The following E2F2 variants were observed in gnomAD, a reference collection of about 807,000 sequenced individuals.
The protein encoded by E2F2 is E2F transcription factor 2.
E2F2 carries 22 observed loss-of-function variants against 42.2 expected under a neutral mutation model. The observed-to-expected ratio is 0.52, with a 90% confidence interval of 0.37 to 0.74. E2F2 has a LOEUF of 0.74. E2F2 is among the 30% of genes least tolerant of loss of function. E2F2 has a pLI of 0.00. For synonymous variants in E2F2, 248 were observed against 251.6 expected, an observed-to-expected ratio of 0.99 and a Z score of 0.13; for missense variants, 481 against 557.8, an observed-to-expected ratio of 0.86 and a Z score of 1.39.
In E2F2 at chr1:23,530,599, G is replaced by A. The variant is rs1331015205; in HGVS notation, c.195C>T (p.Ala65=). 1.2e-6 allele frequency: 2 copies of A among 1,613,132 alleles called. No individual in the cohort carries two copies. The highest frequency in any genetic ancestry group is 2.2e-5 in the East Asian group (1 of 44,858). ...CTTGGCCCTCGGGTCCGTGGGGAGT[G>A]GCGTCGAGGCAGGTGCCTGGCGCCG... ...PAAAPGTCLD[A]TPHGPEGQVV... Residue 65 remains alanine, a synonymous_variant, in exon 1 of 7, where the codon GCC becomes GCT. Transcript: ENST00000361729. This position sits in a 1 kb window ranked among gnomAD's most constrained non-coding sequence, Gnocchi z 4.4.
At position 23,509,822 on chromosome 1, in the gene E2F2, C is replaced by T. The variant is rs1642871754; in HGVS notation, c.*58G>A. 11 of 1,493,770 alleles carry T rather than the reference C, an allele frequency of 7.4e-6. No individual in the cohort carries two copies. Among genetic ancestry groups the T allele is most frequent in the Non-Finnish European group, 9.8e-6 (11 of 1,120,162 alleles). The allele number at this position is 1,493,770 out of a possible 1,614,324, so 92.5% of individuals were successfully genotyped here. Reference sequence around the variant, plus strand: ...GTCCCTGTGCAGGCAGAGGGGCTGTCAGCCTGTCTGTGAGGAGGTAGAGTC... The same window carrying T: ...GTCCCTGTGCAGGCAGAGGGGCTGTTAGCCTGTCTGTGAGGAGGTAGAGTC... On this transcript the variant is annotated 3_prime_UTR_variant, in exon 7 of 7. Coordinates refer to ENST00000361729, the MANE Select transcript of E2F2 (RefSeq NM_004091.4).
At chr1:23,520,243 CAAAAAAAAAAAAA>C (rs66460864) in intron 4 of E2F2, among the ~76,000 whole-genome samples, 9 of 78,872 alleles carry the variant, frequency 1.1e-4, no homozygotes, top group African/African-American at 5.8e-4. Flanking sequence ...GACTCTGTCT[CAAAAAAAAAAAAA>C]AAAAAAAAAA....
chr1:23,522,655 C>T (rs3218162), intron 2 of E2F2, among the ~76,000 whole-genome samples: 3,705 of 152,288 alleles, frequency 0.024, 73 homozygotes, highest in Non-Finnish European at 0.04. Flanking sequence ...TAGACACACA[C>T]TTGCTTTTTC....
rs1264250665 is a variant in E2F2, at chr1:23,519,047, T to C, written c.821A>G (p.Gln274Arg). 6.2e-7 allele frequency: 1 copy of C among 1,614,046 alleles called. No individual in the cohort carries two copies. Among genetic ancestry groups the C allele is most frequent in the East Asian group, 2.2e-5 (1 of 44,892 alleles). ...CCTGTCGGGCACTTCCAGTCTCGTC[T>C]GCGGAGGGGCCTTGACGGCAATCAC... ...QTVIAVKAPP[Q>R]TRLEVPDRTE... The change falls in exon 5 of 7, where the codon CAG (glutamine) becomes CGG (arginine). Residue 274 changes from glutamine (Q) to arginine (R), a missense_variant. Transcript: ENST00000361729.
rs757615854 is a variant in E2F2 at position 23,519,027 on chromosome 1, C to T, written c.841G>A (p.Asp281Asn). ...APPQTRLEVP[D>N]RTEDNLQIYL... The stretch of plus-strand genomic sequence containing the variant: ...ATTTCCCCTCTCACCTCAGTCCTGT[C>T]GGGCACTTCCAGTCTCGTCTGCGGA... The change falls in exon 5 of 7, where the codon GAC becomes AAC. Residue 281 changes from aspartate (D) to asparagine (N), a missense_variant. Transcript: ENST00000361729. 1.5e-5 allele frequency: 24 copies of T among 1,613,798 alleles called. No homozygotes were observed. The South Asian group carries it at 2.0e-4, about 13-fold the overall frequency.
Position 23,530,672 on chromosome 1 carries a change from G to C in E2F2, c.122C>G (p.Thr41Ser). 1 of 1,613,262 alleles carries C rather than the reference G, an allele frequency of 6.2e-7. No individual in the cohort carries two copies. Among genetic ancestry groups the C allele is most frequent in the Non-Finnish European group, 8.5e-7 (1 of 1,179,716 alleles). ...GLSSPQLCPATATYYTPLYPQ... is the reference protein window; with the variant it reads ...GLSSPQLCPASATYYTPLYPQ... ...GTACAGCGGTGTGTAGTAGGTAGCA[G>C]TAGCTGGGCAGAGCTGGGGGCTGCT... Residue 41 changes from threonine (T) to serine (S), a missense_variant, in exon 1 of 7, where the codon ACT becomes AGT. Thr to Ser is a moderately conservative substitution (Grantham distance 58). Coordinates refer to ENST00000361729, the MANE Select transcript of E2F2 (RefSeq NM_004091.4). This position sits in a 1 kb window ranked among gnomAD's most constrained non-coding sequence, Gnocchi z 4.4.
At chr1:23,512,962 A>C (rs1388003075) in intron 6 of E2F2, among the ~76,000 whole-genome samples, 1 of 151,664 alleles carries the variant, frequency 6.6e-6, no homozygotes, top group Non-Finnish European at 1.5e-5. Flanking sequence ...ATAGGCATGC[A>C]CCACCACCTC....
chr1:23,526,088 AAC>A (rs1643245858), intron 1 of E2F2, among the ~76,000 whole-genome samples: 1 of 151,960 alleles, frequency 6.6e-6, no homozygotes, highest in African/African-American at 2.4e-5. Context: ...GCCTGGATAT[AAC>A]ACTCTTGCTT....
rs543907204 is a variant in E2F2, at chr1:23,530,610, A to G, written c.184T>C (p.Cys62Arg). ...GGTCCGTGGGGAGTGGCGTCGAGGC[A>G]GGTGCCTGGCGCCGCTGCGGGAGGC... ...TAPPAAAPGT[C>R]LDATPHGPEG... The change falls in exon 1 of 7, where the codon TGC becomes CGC. Residue 62 changes from cysteine (C) to arginine (R), a missense_variant. Physicochemically the swap from Cys to Arg is radical, Grantham distance 180 (BLOSUM62 -3). Transcript: ENST00000361729. The surrounding 1 kb of genome is among the most constrained non-coding windows in gnomAD (Gnocchi z 4.4). 8.1e-6 allele frequency: 13 copies of G among 1,613,162 alleles called. No individual in the cohort carries two copies. In the South Asian group the frequency reaches 1.2e-4, roughly 15 times the overall value.
Position 23,522,032 on chromosome 1 carries a change from G to C in E2F2, c.383C>G (p.Thr128Ser), listed in dbSNP as rs769140877. 1.9e-6 allele frequency: 3 copies of C among 1,614,100 alleles called. No individual in the cohort carries two copies. The South Asian group carries it at 3.3e-5, about 18-fold the overall frequency. ...CAGCCCCAGCGAAGTGTCATACCGA[G>C]TCTTCTCCCCGGGGGATTTGGGGGC... ...PKTPKSPGEKTRYDTSLGLLT... is the reference protein window; with the variant it reads ...PKTPKSPGEKSRYDTSLGLLT... Residue 128 changes from threonine to serine, a missense_variant, in exon 3 of 7, where the codon ACT becomes AGT. Thr to Ser is a moderately conservative substitution (Grantham distance 58, BLOSUM62 1). Coordinates refer to ENST00000361729, the MANE Select transcript of E2F2 (RefSeq NM_004091.4).
chr1:23,505,405 G>C (rs1642778457), downstream of E2F2, among the ~76,000 whole-genome samples: 1 of 152,212 alleles, frequency 6.6e-6, no homozygotes, highest in African/African-American at 2.4e-5. Context: ...GGCAGCAGAA[G>C]GCATGCATTC....
In E2F2 at chr1:23,522,044, G is replaced by T; in HGVS notation, c.371C>A (p.Pro124His). The change falls in exon 3 of 7, where the codon CCC (proline) becomes CAC (histidine). Residue 124 changes from proline to histidine, a missense_variant. Transcript: ENST00000361729. ...AGTGTCATACCGAGTCTTCTCCCCG[G>T]GGGATTTGGGGGCTGAAGAAGAAAG... ...GLPSPKTPKS[P>H]GEKTRYDTSL... 6.2e-7 allele frequency: 1 copy of T among 1,613,978 alleles called. No individual in the cohort carries two copies. Among genetic ancestry groups the T allele is most frequent in the South Asian group, 1.1e-5 (1 of 91,070 alleles).
In E2F2 at chr1:23,530,480, C is replaced by T. The variant is rs1643319488; in HGVS notation, c.252+62G>A. On this transcript the variant is annotated intron_variant, in intron 1 of 6. Transcript: ENST00000361729. This position sits in a 1 kb window ranked among gnomAD's most constrained non-coding sequence, Gnocchi z 4.4. ...CCACTCAAACTGGATCTCAGGCACCCCTCCCTCCTTTCCCACACCTGGAAA... is the reference window on the plus strand; with the variant it reads ...CCACTCAAACTGGATCTCAGGCACCTCTCCCTCCTTTCCCACACCTGGAAA... The T allele has an allele frequency of 1.3e-6, 2 of 1,587,686 alleles. No individual in the cohort carries two copies. Among genetic ancestry groups the T allele is most frequent in the Non-Finnish European group, 1.7e-6 (2 of 1,168,558 alleles).
chr1:23,525,972 A>T (rs1458244780), intron 1 of E2F2, among the ~76,000 whole-genome samples: 2 of 151,952 alleles, frequency 1.3e-5, no homozygotes, highest in African/African-American at 4.8e-5. Flanking sequence ...CAGGTGTTGG[A>T]GGTGGTGACA....
chr1:23,521,748 T>A, intron 3 of E2F2, 89 bp downstream of exon 3: 1 of 1,560,770 alleles, frequency 6.4e-7, no homozygotes, highest in Non-Finnish European at 8.7e-7. Context: ...GCCCCGCCCC[T>A]GCCACTCACA....
At chr1:23,505,690 T>A (rs1642784171), downstream of E2F2, among the ~76,000 whole-genome samples, 1 of 152,308 alleles carries the variant, frequency 6.6e-6, no homozygotes, top group African/African-American at 2.4e-5. Context: ...TTATTTTATT[T>A]TTTTAGTAGA....
Position 23,530,624 on chromosome 1 carries a change from G to A in E2F2, c.170C>T (p.Ala57Val), listed in dbSNP as rs745348924. Residue 57 changes from alanine (A) to valine (V), a missense_variant, in exon 1 of 7, where the codon GCG becomes GTG. Physicochemically the swap from Ala to Val is moderately conservative, Grantham distance 64. Coordinates refer to ENST00000361729, the MANE Select transcript of E2F2 (RefSeq NM_004091.4). The surrounding 1 kb of genome is among the most constrained non-coding windows in gnomAD (Gnocchi z 4.4). ...GGCGTCGAGGCAGGTGCCTGGCGCC[G>A]CTGCGGGAGGCGCCGTCTGCGGGTA... Reference protein sequence around the residue: ...PLYPQTAPPAAAPGTCLDATP... With the variant: ...PLYPQTAPPAVAPGTCLDATP... 4.3e-6 allele frequency: 7 copies of A among 1,613,120 alleles called. No homozygotes were observed. Among genetic ancestry groups the A allele is most frequent in the South Asian group, 1.1e-5 (1 of 91,060 alleles).
At chr1:23,515,650 T>G (rs1245500250) in intron 6 of E2F2, among the ~76,000 whole-genome samples, 1 of 151,208 alleles carries the variant, frequency 6.6e-6, no homozygotes, top group Non-Finnish European at 1.5e-5. Context: ...CTTCCCAGAG[T>G]GCTGGGATTA....
At chr1:23,514,525 T>C (rs1337124459) in intron 6 of E2F2, among the ~76,000 whole-genome samples, 1 of 151,860 alleles carries the variant, frequency 6.6e-6, no homozygotes, top group Admixed American at 6.6e-5. Flanking sequence ...AAAAGAAGGG[T>C]TGAGTTAGTT....
Sources: gnomAD v4.1 joint callset for allele counts (sites outside exome capture counted in the v4.1 genomes callset) on GRCh38, gnomAD v4.1.1 for gene constraint, Gnocchi (gnomAD v3.1) non-coding constraint, MANE v1.5 for transcripts, NCBI Gene and HGNC (gene_info 2026-07-23, HGNC 2026-07-21) for gene names.